The following SP110 variants were observed in gnomAD, a reference collection of about 807,000 sequenced individuals.
SP110 encodes the protein interferon-induced protein 41, 30kD.
Under a neutral mutation model 92.7 loss-of-function variants are expected in SP110, and 62 were observed. That is an observed-to-expected ratio of 0.67 (90% CI 0.55 to 0.83). SP110 has a LOEUF of 0.83. Ranked by LOEUF, SP110 falls within the 40% of genes least tolerant of loss-of-function variation. The pLI, the probability that SP110 is intolerant of heterozygous loss-of-function variation, is 0.00. For synonymous variants in SP110, 273 were observed against 305.3 expected, an observed-to-expected ratio of 0.89 and a Z score of 1.10; for missense variants, 793 against 863.9, an observed-to-expected ratio of 0.92 and a Z score of 1.03.
chr2:230,205,330 A>G (rs1320689823), intron 8 of SP110, among the ~76,000 whole-genome samples: 1 of 152,050 alleles, frequency 6.6e-6, no homozygotes. Context: ...CTTCATCATC[A>G]CCAACAACAC....
At chr2:230,198,120 G>A (rs747311289) in intron 10 of SP110, among the ~76,000 whole-genome samples, 1 of 152,208 alleles carries the variant, frequency 6.6e-6, no homozygotes, top group Non-Finnish European at 1.5e-5. Context: ...CCCTCTGTAG[G>A]ACTGGAAGTC....
intron 11 of SP110, among the ~76,000 whole-genome samples, chr2:230,184,994 CA>C (rs2042290543): frequency 6.6e-6 from 1 of 152,226 alleles, no homozygotes; most frequent in South Asian, 2.1e-4. Context: ...TGTCACGCTA[CA>C]AAGGCAGAGT....
intron 8 of SP110, among the ~76,000 whole-genome samples, chr2:230,204,017 A>C (rs72982407): frequency 0.13 from 19,123 of 152,166 alleles, 1,341 homozygotes; most frequent in South Asian, 0.27. Context: ...TATTTTACCC[A>C]GGTAAAAAAT....
chr2:230,188,577 G>A (rs1202072928), intron 10 of SP110, among the ~76,000 whole-genome samples: 1 of 152,134 alleles, frequency 6.6e-6, no homozygotes, highest in Admixed American at 6.5e-5. Context: ...TTCTCCAGGG[G>A]AATGCATTAG....
intron 10 of SP110, among the ~76,000 whole-genome samples, chr2:230,194,307 T>C (rs932299574): frequency 6.6e-6 from 1 of 151,554 alleles, no homozygotes; most frequent in African/African-American, 2.4e-5. Flanking sequence ...AGTAAAAGAA[T>C]AAAGAAAAAG....
rs759291099 is a variant in SP110 at position 230,165,407 on chromosome 2, C to T, written c.*3717G>A. On this transcript the variant is annotated 3_prime_UTR_variant, in exon 19 of 19. Coordinates refer to ENST00000258381, the MANE Select transcript of SP110 (RefSeq NM_080424.4). Reference sequence around the variant, plus strand: ...AGCAGGGAATCTTAAACAGTGAAAACAGAAACACATTAATACTGTTCTCAA... The same window carrying T: ...AGCAGGGAATCTTAAACAGTGAAAATAGAAACACATTAATACTGTTCTCAA... 1.3e-5 allele frequency among the ~76,000 whole-genome samples: 2 copies of T among 152,164 alleles called. No homozygotes were observed. The highest frequency in any genetic ancestry group is 2.4e-5 in the African/African-American group (1 of 41,428).
rs201376755 is a variant in SP110 at position 230,177,660 on chromosome 2, G to A, written c.1468C>T (p.Arg490Trp). ...GTTAACCAAGTTCCATCCTCATTCC[G>A]AATGCACTTCACTGAGGATCCTGTA... ...MKHGSSVKCIRNEDGTWLTPN... is the reference protein window; with the variant it reads ...MKHGSSVKCIWNEDGTWLTPN... Residue 490 changes from arginine (R) to tryptophan (W), a missense_variant, in exon 14 of 19, where the codon CGG becomes TGG. Transcript: ENST00000258381. The A allele has an allele frequency of 6.2e-6, 10 of 1,613,862 alleles. No individual in the cohort carries two copies. Among genetic ancestry groups the A allele is most frequent in the Non-Finnish European group, 7.6e-6 (9 of 1,179,978 alleles).
upstream of SP110, among the ~76,000 whole-genome samples, chr2:230,224,610 C>T (rs1358703978): frequency 6.6e-6 from 1 of 152,040 alleles, no homozygotes; most frequent in East Asian, 1.9e-4. Flanking sequence ...GTGTTTGTTC[C>T]TTTGGTAGAA....
At chr2:230,171,885 C>G (rs955889921) in intron 16 of SP110, 118 bp from the exon 17 acceptor site, 6 of 888,938 alleles carry the variant, frequency 6.7e-6, no homozygotes, top group Admixed American at 1.8e-5. Flanking sequence ...TCCAGCCATG[C>G]TTCCCAAGGC....
intron 1 of SP110, among the ~76,000 whole-genome samples, chr2:230,218,776 G>A (rs113068032): frequency 1.3e-5 from 2 of 152,330 alleles, no homozygotes; most frequent in African/African-American, 4.8e-5. Flanking sequence ...TGACTGTTCA[G>A]ATTTTTATTA....
upstream of SP110, among the ~76,000 whole-genome samples, chr2:230,223,040 T>C (rs1330844020): frequency 2.1e-5 from 2 of 96,096 alleles, no homozygotes; most frequent in Non-Finnish European, 5.2e-5. Flanking sequence ...TCAGTCTGAC[T>C]TTTTTTTTTT....
chr2:230,173,275 G>A lies in SP110; in HGVS notation c.1591-316C>T, dbSNP rs73097891. 1,661 of 368,234 alleles carry A rather than the reference G, an allele frequency of 4.5e-3. 18 individuals are homozygous for A. Among genetic ancestry groups the A allele is most frequent in the African/African-American group, 0.028 (1,350 of 47,616 alleles). The allele number at this position is 368,234 out of a possible 1,614,324, so 22.8% of individuals were successfully genotyped here. A position where few individuals can be genotyped will look rare whatever the true frequency, so the allele number is the denominator to read the frequency against. On this transcript the variant is annotated intron_variant, in intron 14 of 18. Coordinates refer to ENST00000258381, the MANE Select transcript of SP110 (RefSeq NM_080424.4). ...TGCTTTGAGCTGGGCCACTCTGGGC[G>A]CATTTGCTGAGCCCACCAGGCCTCT... is the stretch of plus-strand genomic sequence containing the variant.
Position 230,200,868 on chromosome 2 carries a change from C to G in SP110, c.1129+17G>C, listed in dbSNP as rs201182994. 5.7e-6 allele frequency: 9 copies of G among 1,572,756 alleles called. No individual in the cohort carries two copies. Among genetic ancestry groups the G allele is most frequent in the Non-Finnish European group, 8.8e-7 (1 of 1,142,510 alleles). The stretch of plus-strand genomic sequence containing the variant: ...CCTGGTGACTGTACTCTGAGACCAG[C>G]AATCTCCAAGTTTTACCTTGTGTGA... On this transcript the variant is annotated intron_variant, in intron 10 of 18. Transcript: ENST00000258381.
chr2:230,170,356 G>A (rs530335973), intron 18 of SP110, among the ~76,000 whole-genome samples: 2 of 152,018 alleles, frequency 1.3e-5, no homozygotes, highest in South Asian at 2.1e-4. Flanking sequence ...TACTGCTCTC[G>A]TTGGGAGCGA....
chr2:230,208,358 A>G (rs2044105509), intron 7 of SP110, among the ~76,000 whole-genome samples: 1 of 152,214 alleles, frequency 6.6e-6, no homozygotes, highest in South Asian at 2.1e-4. Context: ...AAGAAAAAGC[A>G]TTTTTTAATG....
intron 14 of SP110, among the ~76,000 whole-genome samples, chr2:230,175,313 A>G (rs2041808742): frequency 1.3e-5 from 2 of 152,316 alleles, no homozygotes; most frequent in Admixed American, 1.3e-4. Context: ...ATTGAAGGAT[A>G]ACTCCATACT....
Position 230,169,131 on chromosome 2 carries a change from A to G in SP110, c.2135T>C (p.Leu712Pro). The change falls in exon 19 of 19, where the codon CTT (leucine) becomes CCT (proline). Residue 712 changes from leucine (L) to proline (P), a missense_variant. Coordinates refer to ENST00000258381, the MANE Select transcript of SP110 (RefSeq NM_080424.4). The part of the protein sequence containing the change: ...HEANDGGFWT[L>P]P ...AGTCTTTACAGAACAGGGTCAAGGA[A>G]GAGTCCAGAAACCGCCGTCATTGGC... is the stretch of plus-strand genomic sequence containing the variant. The G allele has an allele frequency of 6.2e-7, 1 of 1,605,040 alleles. No individual in the cohort carries two copies. Among genetic ancestry groups the G allele is most frequent in the Non-Finnish European group, 8.5e-7 (1 of 1,171,856 alleles).
In SP110 at chr2:230,182,663, G is replaced by T. The variant is rs139263046; in HGVS notation, c.1348+909C>A. Among the ~76,000 whole-genome samples the T allele has an allele frequency of 2.8e-3, 429 of 152,184 alleles. 2 individuals carry two copies. Among genetic ancestry groups the T allele is most frequent in the African/African-American group, 0.01 (420 of 41,500 alleles). The stretch of plus-strand genomic sequence containing the variant: ...GTGTGACCCTAGAGACACGGGTAGG[G>T]GTGGTTTATGGGTGTTGGTGACATC... On this transcript the variant is annotated intron_variant, in intron 12 of 18. Transcript: ENST00000258381.
At position 230,165,695 on chromosome 2, in the gene SP110, A is replaced by G. The variant is rs1060759; in HGVS notation, c.*3429T>C. Among the ~76,000 whole-genome samples the G allele has an allele frequency of 0.66, 100,574 of 151,846 alleles. 33,741 individuals are homozygous for G. Among genetic ancestry groups the G allele is most frequent in the Middle Eastern group, 0.72 (213 of 294 alleles). On this transcript the variant is annotated 3_prime_UTR_variant, in exon 19 of 19. Coordinates refer to ENST00000258381, the MANE Select transcript of SP110 (RefSeq NM_080424.4). ...CATTGCCTTAAGTATGTGACACATT[A>G]CAGATATTTTATTTTTGACTTTGAC...
Sources: gnomAD v4.1 joint callset for allele counts (sites outside exome capture counted in the v4.1 genomes callset) on GRCh38, gnomAD v4.1.1 for gene constraint, MANE v1.5 for transcripts, NCBI Gene and HGNC (gene_info 2026-07-23, HGNC 2026-07-21) for gene names.